PLAC1: variants seen among roughly 807,000 people sequenced by gnomAD.
The protein encoded by PLAC1 is placenta-specific protein 1.
For missense variants in PLAC1, 136 were observed against 163.2 expected, an observed-to-expected ratio of 0.83 and a Z score of 0.91; for synonymous variants, 68 against 62.1, an observed-to-expected ratio of 1.09 and a Z score of -0.44.
At chrX:134,748,986 C>T (rs778117154) in intron 1 of PLAC1, among the ~76,000 whole-genome samples, 4 of 111,973 alleles carry the variant, frequency 3.6e-5, no homozygotes, top group Non-Finnish European at 7.5e-5. Context: ...GTTTTTGACA[C>T]GAATCAGCCT....
chrX:134,597,524 T>G (rs2078067760), intron 2 of PLAC1, among the ~76,000 whole-genome samples: 1 of 112,461 alleles, frequency 8.9e-6, no homozygotes, highest in Admixed American at 9.5e-5. Context: ...TTCCTGGTTC[T>G]TGGTATGATG....
At chrX:134,704,517 C>A (rs2078594920) in intron 2 of PLAC1, among the ~76,000 whole-genome samples, 1 of 96,351 alleles carries the variant, frequency 1.0e-5, no homozygotes, top group African/African-American at 3.8e-5. Flanking sequence ...AAAATAACAA[C>A]AACAAAAAAA....
intron 2 of PLAC1, among the ~76,000 whole-genome samples, chrX:134,673,197 A>G: frequency 9.3e-6 from 1 of 108,037 alleles, no homozygotes; most frequent in Admixed American, 1.0e-4. Context: ...GAGAAGGAAG[A>G]AGAGGAAAGA....
intron 2 of PLAC1, among the ~76,000 whole-genome samples, chrX:134,691,695 C>T (rs1435497237): frequency 8.9e-6 from 1 of 111,844 alleles, no homozygotes; most frequent in Non-Finnish European, 1.9e-5. Context: ...TATGACCTCA[C>T]TTACACCTTA....
At chrX:134,750,454 T>C (rs1187940961) in intron 1 of PLAC1, among the ~76,000 whole-genome samples, 1 of 110,199 alleles carries the variant, frequency 9.1e-6, no homozygotes, top group Non-Finnish European at 1.9e-5. Flanking sequence ...GCTGAAAACA[T>C]TTACGCTATG....
intron 2 of PLAC1, among the ~76,000 whole-genome samples, chrX:134,690,937 G>T (rs1237449426): frequency 5.7e-5 from 2 of 34,995 alleles, no homozygotes; most frequent in Non-Finnish European, 8.6e-5. Flanking sequence ...GCAAGATTCC[G>T]TCTCAAAAAA....
intron 1 of PLAC1, among the ~76,000 whole-genome samples, chrX:134,622,914 G>T (rs2078218383): frequency 9.0e-6 from 1 of 111,612 alleles, no homozygotes; most frequent in African/African-American, 3.3e-5. Flanking sequence ...AACCTGTTTT[G>T]GGAATGTGGC....
At chrX:134,701,840 A>T (rs1409006805) in intron 2 of PLAC1, among the ~76,000 whole-genome samples, 2 of 111,989 alleles carry the variant, frequency 1.8e-5, no homozygotes, top group Non-Finnish European at 3.8e-5. Flanking sequence ...CAACATGGTG[A>T]AACACAGTCT....
At chrX:134,682,526 G>T (rs1159198610) in intron 2 of PLAC1, among the ~76,000 whole-genome samples, 1 of 110,325 alleles carries the variant, frequency 9.1e-6, no homozygotes, top group African/African-American at 3.3e-5. Flanking sequence ...TCTTGCCATG[G>T]GTGTCTCAAG....
intron 2 of PLAC1, among the ~76,000 whole-genome samples, chrX:134,712,659 G>A (rs760036604): frequency 1.8e-5 from 2 of 110,949 alleles, no homozygotes; most frequent in East Asian, 2.8e-4. Context: ...AAAATTTGGG[G>A]GCCAATCCAC....
chrX:134,743,300 G>A (rs902078269), intron 1 of PLAC1, among the ~76,000 whole-genome samples: 3 of 111,833 alleles, frequency 2.7e-5, no homozygotes, highest in African/African-American at 9.8e-5. Flanking sequence ...ATGACATTCC[G>A]GCCAAATGTT....
rs1466082735 is a variant in PLAC1 at position 134,705,075 on chromosome X, A to T, written n.174+28360T>A. Among the ~76,000 whole-genome samples, 5 of 102,963 alleles carry T rather than the reference A, an allele frequency of 4.9e-5. No homozygotes were observed. The Admixed American group carries it at 5.5e-4, about 11-fold the overall frequency. 89.4% of individuals were successfully genotyped at this position (102,963 alleles called of 115,157 possible). A position where few individuals can be genotyped will look rare whatever the true frequency, so the allele number is the denominator to read the frequency against. ...TATAAATATATAATATATATATATT[A>T]GAAAAAGGAAAAAATCATAATTGCA... On this transcript the variant is annotated intron_variant and non_coding_transcript_variant, in intron 2 of 2. Coordinates refer to the PLAC1 transcript ENST00000466797.
intron 1 of PLAC1, chrX:134,650,830 C>T (rs2078358773): frequency 7.8e-6 from 1 of 127,982 alleles, no homozygotes; most frequent in Non-Finnish European, 1.6e-5. Flanking sequence ...GAGAAGGCCA[C>T]GTTCAGTTTG....
intron 2 of PLAC1, among the ~76,000 whole-genome samples, chrX:134,585,658 G>A (rs186131853): frequency 2.2e-4 from 24 of 111,348 alleles, no homozygotes; most frequent in Admixed American, 2.0e-3. Context: ...GGGACCCTGA[G>A]GTGGGGGTAA....
intron 1 of PLAC1, among the ~76,000 whole-genome samples, chrX:134,620,042 A>C (rs756358114): frequency 8.9e-6 from 1 of 112,371 alleles, no homozygotes; most frequent in Non-Finnish European, 1.9e-5. Flanking sequence ...GGACTAGACT[A>C]TATGACTTTA....
At chrX:134,732,126 G>C (rs2078690515) in intron 2 of PLAC1, among the ~76,000 whole-genome samples, 2 of 111,109 alleles carry the variant, frequency 1.8e-5, no homozygotes, top group South Asian at 7.6e-4. Context: ...AGATGGAGGT[G>C]GGGGCTGGTG....
intron 2 of PLAC1, among the ~76,000 whole-genome samples, chrX:134,588,290 TTTTATTTATTTATTTATTTATTTA>T (rs58865720): frequency 5.9e-4 from 44 of 74,657 alleles, no homozygotes; most frequent in Middle Eastern, 0.014. Flanking sequence ...GAACTCTTTA[TTTTATTTATTTATTTATTTATTTA>T]TTTATTTATT....
intron 2 of PLAC1, among the ~76,000 whole-genome samples, chrX:134,590,093 G>T (rs1212681073): frequency 1.8e-5 from 2 of 110,177 alleles, no homozygotes; most frequent in African/African-American, 3.3e-5. Flanking sequence ...TACTTGGGAG[G>T]CTGAGGCAGG....
intron 1 of PLAC1, among the ~76,000 whole-genome samples, chrX:134,733,979 T>A (rs1178556465): frequency 3.6e-5 from 4 of 111,825 alleles, no homozygotes; most frequent in East Asian, 2.8e-4. Context: ...GGGGAATAAA[T>A]CTCTTGTCTT....
Sources: gnomAD v4.1 joint callset for allele counts (sites outside exome capture counted in the v4.1 genomes callset) on GRCh38, gnomAD v4.1.1 for gene constraint, MANE v1.5 for transcripts, NCBI Gene and HGNC (gene_info 2026-07-23, HGNC 2026-07-21) for gene names.